Variants in RPS3 observed in about 807,000 individuals in gnomAD.
The protein encoded by RPS3 is small ribosomal subunit protein uS3.
Under a neutral mutation model 25.8 loss-of-function variants are expected in RPS3, and 2 were observed. That is an observed-to-expected ratio of 0.08 (90% CI 0.03 to 0.24). The LOEUF is 0.24. Among genes scored for constraint, RPS3 ranks in the 10% least tolerant of loss-of-function variants. RPS3 has a pLI of 1.00. For synonymous variants in RPS3, 114 were observed against 114.2 expected, an observed-to-expected ratio of 1.00 and a Z score of 0.01; for missense variants, 107 against 307.1, an observed-to-expected ratio of 0.35 and a Z score of 4.87.
downstream of RPS3, among the ~76,000 whole-genome samples, chr11:75,409,818 A>ACC (rs775450824): frequency 5.7e-4 from 74 of 130,652 alleles, no homozygotes; most frequent in Non-Finnish European, 6.4e-4. Flanking sequence ...CGGGGGGCTG[A>ACC]CCCCCCCACC....
At chr11:75,409,949 C>T (rs1419527839), downstream of RPS3, among the ~76,000 whole-genome samples, 1 of 148,394 alleles carries the variant, frequency 6.7e-6, no homozygotes, top group African/African-American at 2.5e-5. Context: ...GGCTGACCCC[C>T]CCACCTCCCT....
intron 3 of RPS3, chr11:75,402,021 C>T (rs1390683235): frequency 1.8e-6 from 1 of 546,270 alleles, no homozygotes; most frequent in East Asian, 3.0e-5. Context: ...GGGCAAGGAA[C>T]CTGCATTGTG....
chr11:75,409,178 A>ATTAT (rs376450397), downstream of RPS3, among the ~76,000 whole-genome samples: 134 of 148,388 alleles, frequency 9.0e-4, no homozygotes, highest in Middle Eastern at 3.4e-3. Context: ...TATTATTATT[A>ATTAT]TTATTTATTT....
intron 4 of RPS3, chr11:75,403,261 G>C (rs1288052177): frequency 6.6e-6 from 1 of 152,198 alleles, no homozygotes; most frequent in Non-Finnish European, 1.5e-5. Context: ...CCACCAAATG[G>C]GAAACTGGAT....
At chr11:75,421,484 C>G (rs1187801806) in intron 6 of RPS3, among the ~76,000 whole-genome samples, 2 of 152,220 alleles carry the variant, frequency 1.3e-5, no homozygotes, top group African/African-American at 4.8e-5. Context: ...TTCTCTCCCT[C>G]TCTGAGCTCA....
downstream of RPS3, among the ~76,000 whole-genome samples, chr11:75,410,387 G>T (rs1321526628): frequency 1.3e-5 from 2 of 151,452 alleles, no homozygotes; most frequent in African/African-American, 4.9e-5. Flanking sequence ...CATCTCAGAC[G>T]ATGGGCGGCC....
chr11:75,408,194 T>TG (rs1948307253), downstream of RPS3, among the ~76,000 whole-genome samples: 1 of 152,206 alleles, frequency 6.6e-6, no homozygotes, highest in Non-Finnish European at 1.5e-5. Flanking sequence ...AACACCCCTG[T>TG]GTAACCATTT....
chr11:75,399,956 G>T, intron 1 of RPS3: 1 of 323,126 alleles, frequency 3.1e-6, no homozygotes, highest in Non-Finnish European at 5.8e-6. Context: ...TTAACTGGTC[G>T]TTTCTGGGTA....
In RPS3 at chr11:75,404,916, C is replaced by T. The variant is rs140288831; in HGVS notation, c.*3+48C>T. The T allele has an allele frequency of 7.9e-4, 1,020 of 1,299,028 alleles. 12 individuals carry two copies. The East Asian group carries it at 0.016, about 20-fold the overall frequency. 80.5% of individuals were successfully genotyped at this position (1,299,028 alleles called of 1,614,324 possible). A position where few individuals can be genotyped will look rare whatever the true frequency, so the allele number is the denominator to read the frequency against. ...CTCTTGGGGCATAATAGGGTCCTTC[C>T]GAGTCTTTCTGTTAATACTTGTATC... On this transcript the variant is annotated intron_variant, in intron 6 of 6. Transcript: ENST00000531188. The surrounding 1 kb of genome is among the most constrained non-coding windows in gnomAD (Gnocchi z 4.6).
chr11:75,415,746 C>T (rs866732914), intron 6 of RPS3, among the ~76,000 whole-genome samples: 19 of 141,748 alleles, frequency 1.3e-4, no homozygotes, highest in Middle Eastern at 4.0e-3. Flanking sequence ...GCAGAGGTTG[C>T]GGTGAGCCGA....
At chr11:75,416,036 T>C (rs1239145005) in intron 6 of RPS3, among the ~76,000 whole-genome samples, 1 of 141,520 alleles carries the variant, frequency 7.1e-6, no homozygotes, top group Non-Finnish European at 1.5e-5. Context: ...CAATAAAGGA[T>C]AACATGGCTA....
Position 75,417,196 on chromosome 11 carries a change from A to G in RPS3, c.*4-4531A>G, listed in dbSNP as rs1365365907. 2.6e-5 allele frequency among the ~76,000 whole-genome samples: 4 copies of G among 152,148 alleles called. No individual in the cohort carries two copies. In the East Asian group the frequency reaches 7.7e-4, roughly 29 times the overall value. On this transcript the variant is annotated intron_variant, in intron 6 of 6. Coordinates refer to the RPS3 transcript ENST00000527446. The stretch of plus-strand genomic sequence containing the variant: ...AGGCTTTAAGAAATATTGGCAGGGT[A>G]TGGTGGCTCACATCTGTTATCCCAG...
downstream of RPS3, among the ~76,000 whole-genome samples, chr11:75,407,575 C>T (rs1313635918): frequency 1.3e-5 from 2 of 152,136 alleles, no homozygotes; most frequent in Admixed American, 6.5e-5. Context: ...TGGTTCACAC[C>T]ATCCTACCTC....
chr11:75,418,643 T>A (rs1002376848), intron 6 of RPS3, among the ~76,000 whole-genome samples: 2 of 152,338 alleles, frequency 1.3e-5, no homozygotes, highest in East Asian at 3.9e-4. Flanking sequence ...AATGTCAAGA[T>A]CCTAACTTCC....
intron 4 of RPS3, 154 bp downstream of exon 4, chr11:75,402,600 C>G: frequency 1.4e-6 from 1 of 725,128 alleles, no homozygotes; most frequent in Non-Finnish European, 2.1e-6. Flanking sequence ...CCTCACTGAA[C>G]TGGCAGGCTA....
Position 75,404,083 on chromosome 11 carries a change from G to A in RPS3, c.414G>A (p.Val138=), listed in dbSNP as rs775172104. 10 of 1,613,744 alleles carry A rather than the reference G, an allele frequency of 6.2e-6. No homozygotes were observed. The African/African-American group carries it at 8.0e-5, about 13-fold the overall frequency. ...GGGCCAAAGGCTGCGAGGTTGTGGT[G>A]TCTGGGAAACTCCGAGGACAGAGGG... ...ESGAKGCEVV[V]SGKLRGQRAK... is the part of the protein sequence containing the mutation. The change falls in exon 5 of 7, where the codon GTG becomes GTA. Residue 138 remains valine (V), a synonymous_variant. Transcript: ENST00000531188. The surrounding 1 kb of genome is among the most constrained non-coding windows in gnomAD (Gnocchi z 4.6).
intron 6 of RPS3, among the ~76,000 whole-genome samples, chr11:75,418,628 T>C (rs1017297863): frequency 4.6e-5 from 7 of 152,194 alleles, no homozygotes; most frequent in African/African-American, 1.7e-4. Flanking sequence ...AAAAAAAAAT[T>C]TTAGAATGTC....
intron 6 of RPS3, among the ~76,000 whole-genome samples, chr11:75,413,376 C>T (rs1948373340): frequency 6.6e-6 from 1 of 152,168 alleles, no homozygotes; most frequent in African/African-American, 2.4e-5. Context: ...CCTGCCTCAG[C>T]CTTCCGAGTA....
rs1353247818 is a variant in RPS3, at chr11:75,406,628, C to T, written c.*1018C>T. On this transcript the variant is annotated 3_prime_UTR_variant, in exon 7 of 7. Transcript: ENST00000531188. ...ACTGACAAGTATCTGACCCCCCCTT[C>T]CTTTTTGACTCATAAATTGGTCATC... is the stretch of plus-strand genomic sequence containing the variant. The T allele has an allele frequency of 1.3e-5, 2 of 152,188 alleles. No homozygotes were observed. The highest frequency in any genetic ancestry group is 4.8e-5 in the African/African-American group (2 of 41,430). 9.4% of individuals were successfully genotyped at this position (152,188 alleles called of 1,614,324 possible).
Sources: allele counts gnomAD v4.1 joint callset (sites outside exome capture counted in the v4.1 genomes callset), GRCh38; gene constraint gnomAD v4.1.1; non-coding constraint Gnocchi (gnomAD v3.1); transcripts MANE v1.5; gene names NCBI Gene and HGNC (gene_info 2026-07-23, HGNC 2026-07-21).